MARCHF5: variants seen among roughly 807,000 people sequenced by gnomAD.
The protein encoded by MARCHF5 is E3 ubiquitin-protein ligase MARCHF5.
Under a neutral mutation model 36.5 loss-of-function variants are expected in MARCHF5, and 5 were observed. That is an observed-to-expected ratio of 0.14 (90% confidence interval 0.07 to 0.29). The LOEUF (loss-of-function observed/expected upper bound fraction) is 0.29, where lower values mean the gene tolerates loss of function less well. Among genes scored for constraint, MARCHF5 ranks in the 10% least tolerant of loss-of-function variants. The pLI is 1.00. For missense variants in MARCHF5, 179 were observed against 336.3 expected, an observed-to-expected ratio of 0.53 and a Z score of 3.66; for synonymous variants, 103 against 109.9, an observed-to-expected ratio of 0.94 and a Z score of 0.39.
intron 2 of MARCHF5, among the ~76,000 whole-genome samples, chr10:92,340,289 G>A (rs914487499): frequency 6.6e-6 from 1 of 152,176 alleles, no homozygotes; most frequent in Admixed American, 6.5e-5. Context: ...GGCTGTTTAC[G>A]AGAATTTATG....
chr10:92,303,151 T>A (rs1843035283), intron 1 of MARCHF5, among the ~76,000 whole-genome samples: 1 of 152,154 alleles, frequency 6.6e-6, no homozygotes, highest in South Asian at 2.1e-4. Context: ...CCCCCCTCAC[T>A]TTTTTCTACA....
At chr10:92,348,661 G>T (rs994442484) in intron 3 of MARCHF5, among the ~76,000 whole-genome samples, 3 of 152,150 alleles carry the variant, frequency 2.0e-5, no homozygotes, top group African/African-American at 7.2e-5. Flanking sequence ...GTAAGGAAAA[G>T]ATTGTATTAG....
intron 1 of MARCHF5, among the ~76,000 whole-genome samples, chr10:92,310,807 G>T (rs922584950): frequency 6.6e-6 from 1 of 152,058 alleles, no homozygotes; most frequent in Non-Finnish European, 1.5e-5. Flanking sequence ...AGAATTATTA[G>T]GTCTTATAAC....
chr10:92,309,695 T>C lies in MARCHF5; in HGVS notation c.36-1440T>C, dbSNP rs545821964. The stretch of plus-strand genomic sequence containing the variant: ...CAATTGAAATTTTATGCAAAAATCA[T>C]AGGTTAGAACCCAGTCCTACTATGG... On this transcript the variant is annotated intron_variant, in intron 1 of 5. Transcript: ENST00000358935. 3.7e-4 allele frequency among the ~76,000 whole-genome samples: 56 copies of C among 152,212 alleles called. 1 individual carries two copies. The South Asian group carries it at 6.2e-3, about 17-fold the overall frequency.
intron 1 of MARCHF5, among the ~76,000 whole-genome samples, chr10:92,303,726 C>A (rs889092429): frequency 6.6e-6 from 1 of 152,120 alleles, no homozygotes; most frequent in African/African-American, 2.4e-5. Context: ...ACTGTTTACT[C>A]TTTATTAGTT....
intron 2 of MARCHF5, among the ~76,000 whole-genome samples, chr10:92,340,455 C>A (rs1301279192): frequency 6.6e-6 from 1 of 152,078 alleles, no homozygotes; most frequent in Non-Finnish European, 1.5e-5. Flanking sequence ...GCCTGTAATC[C>A]CAACATTTTG....
chr10:92,292,134 A>C (rs975776276), intron 1 of MARCHF5, among the ~76,000 whole-genome samples: 2 of 151,340 alleles, frequency 1.3e-5, no homozygotes, highest in African/African-American at 2.4e-5. Context: ...AAATGAGTCC[A>C]ACGCTGAACA....
intron 1 of MARCHF5, among the ~76,000 whole-genome samples, chr10:92,292,027 C>G (rs1842878707): frequency 6.6e-6 from 1 of 151,200 alleles, no homozygotes. Flanking sequence ...CCCCGTCCCC[C>G]CCGCCCCATC....
chr10:92,295,395 A>ATTTT (rs1564941035), intron 1 of MARCHF5, among the ~76,000 whole-genome samples: 1 of 66,632 alleles, frequency 1.5e-5, no homozygotes, highest in Non-Finnish European at 3.2e-5. Flanking sequence ...TCTTTTATTT[A>ATTTT]TTTATTTATT....
At chr10:92,315,540 C>G (rs1336692794) in intron 2 of MARCHF5, among the ~76,000 whole-genome samples, 1 of 152,210 alleles carries the variant, frequency 6.6e-6, no homozygotes, top group South Asian at 2.1e-4. Flanking sequence ...TCAGTGGCTT[C>G]TTGTCCCTAT....
At chr10:92,342,544 A>G (rs1009360951) in intron 3 of MARCHF5, among the ~76,000 whole-genome samples, 5 of 152,164 alleles carry the variant, frequency 3.3e-5, no homozygotes, top group African/African-American at 9.7e-5. Flanking sequence ...TCCTTTCCAC[A>G]GTCTTTACCA....
At chr10:92,310,077 A>G (rs1179969445) in intron 1 of MARCHF5, among the ~76,000 whole-genome samples, 1 of 152,192 alleles carries the variant, frequency 6.6e-6, no homozygotes, top group Non-Finnish European at 1.5e-5. Flanking sequence ...ATTGGAGCAC[A>G]CAATTGAAAT....
intron 2 of MARCHF5, among the ~76,000 whole-genome samples, chr10:92,317,287 CAG>C (rs1590654455): frequency 6.6e-6 from 1 of 152,100 alleles, no homozygotes; most frequent in Non-Finnish European, 1.5e-5. Context: ...TTTGTAGAGA[CAG>C]GGTTTCACCA....
chr10:92,321,483 G>A (rs557755958), intron 2 of MARCHF5, among the ~76,000 whole-genome samples: 1 of 152,132 alleles, frequency 6.6e-6, no homozygotes, highest in Non-Finnish European at 1.5e-5. Context: ...GTACTTTGTT[G>A]GGAACTTTTG....
chr10:92,333,996 C>T (rs1172142229), intron 2 of MARCHF5, among the ~76,000 whole-genome samples: 6 of 152,020 alleles, frequency 3.9e-5, no homozygotes, highest in African/African-American at 4.8e-5. Flanking sequence ...TCTAGACCAG[C>T]CTGGGTGACA....
intron 1 of MARCHF5, among the ~76,000 whole-genome samples, chr10:92,302,349 T>TC (rs1411447410): frequency 6.6e-6 from 1 of 152,190 alleles, no homozygotes; most frequent in African/African-American, 2.4e-5. Flanking sequence ...CATATTAGTC[T>TC]CCCTAATAGT....
chr10:92,347,513 GATAGATAGATGATAGATAT>G (rs1322188738), intron 3 of MARCHF5, among the ~76,000 whole-genome samples: 2,327 of 36,882 alleles, frequency 0.063, 53 homozygotes, highest in East Asian at 0.14. Flanking sequence ...TAGATAGATA[GATAGATAGATGATAGATAT>G]ATAGATAGAT....
intron 2 of MARCHF5, among the ~76,000 whole-genome samples, chr10:92,312,328 C>T (rs531069999): frequency 1.3e-5 from 2 of 152,276 alleles, no homozygotes; most frequent in Admixed American, 6.5e-5. Context: ...CCTTGGTTCT[C>T]TGTTTTTCTC....
chr10:92,311,984 T>A (rs545573534), intron 2 of MARCHF5, among the ~76,000 whole-genome samples: 1 of 152,336 alleles, frequency 6.6e-6, no homozygotes. Flanking sequence ...TTAGTGAGCC[T>A]GTTCCATTAC....
Sources: allele counts gnomAD v4.1 joint callset (sites outside exome capture counted in the v4.1 genomes callset), GRCh38; gene constraint gnomAD v4.1.1; transcripts MANE v1.5; gene names NCBI Gene and HGNC (gene_info 2026-07-23, HGNC 2026-07-21).